Variants in KIF26B observed in about 807,000 individuals in gnomAD.
KIF26B encodes kinesin-like protein KIF26B.
In KIF26B, 63 loss-of-function variants were observed where a neutral mutation model predicts 151.2. That is an observed-to-expected ratio of 0.42 (90% CI 0.34 to 0.51). KIF26B has a LOEUF of 0.51. Among genes scored for constraint, KIF26B ranks in the 20% least tolerant of loss-of-function variants. KIF26B has a pLI of 0.07. For synonymous variants in KIF26B, 1,357 were observed against 1,262.1 expected (o/e 1.08, Z -1.59); for missense variants, 2,813 against 2,913.6 (o/e 0.97, Z 0.79).
At chr1:245,196,483 C>T (rs1669198354) in intron 2 of KIF26B, among the ~76,000 whole-genome samples, 2 of 152,198 alleles carry the variant, frequency 1.3e-5, no homozygotes, top group Admixed American at 1.3e-4. Context: ...GTAAATGCCT[C>T]AGACCTCTCG....
At chr1:245,654,978 C>T (rs2044057939) in intron 10 of KIF26B, among the ~76,000 whole-genome samples, 1 of 152,212 alleles carries the variant, frequency 6.6e-6, no homozygotes, top group African/African-American at 2.4e-5. Context: ...GGAAATTCCA[C>T]AACTGGCAGA....
intron 6 of KIF26B, among the ~76,000 whole-genome samples, chr1:245,603,453 G>T (rs559674433): frequency 7.9e-5 from 12 of 152,144 alleles, no homozygotes; most frequent in African/African-American, 2.2e-4. Flanking sequence ...TCCTAGCTCA[G>T]CTCATTTTTA....
chr1:245,471,127 G>GTA lies in KIF26B; in HGVS notation c.1166+51383_1166+51384insAT, dbSNP rs1439688743. ...AGATTTTGATAGTATGTGTGTGTGT[G>GTA]TGTGTATATATATATATATTTGAGA... On this transcript the variant is annotated intron_variant, in intron 4 of 14. Coordinates refer to ENST00000407071, the MANE Select transcript of KIF26B (RefSeq NM_018012.4). Among the ~76,000 whole-genome samples, 6 of 145,008 alleles carry GTA rather than the reference G, an allele frequency of 4.1e-5. No individual in the cohort carries two copies. The South Asian group carries it at 1.3e-3, about 32-fold the overall frequency.
chr1:245,472,360 T>G (rs1444010558), intron 4 of KIF26B, among the ~76,000 whole-genome samples: 1 of 152,204 alleles, frequency 6.6e-6, no homozygotes, highest in African/African-American at 2.4e-5. Flanking sequence ...TTTTAGAACT[T>G]TATTACAGGT....
intron 10 of KIF26B, among the ~76,000 whole-genome samples, chr1:245,651,661 T>C (rs2044017314): frequency 6.6e-6 from 1 of 152,100 alleles, no homozygotes; most frequent in Non-Finnish European, 1.5e-5. Flanking sequence ...AGGTGAGCAG[T>C]GGGGGAGCAT....
At chr1:245,525,442 A>G (rs1661218117) in intron 4 of KIF26B, among the ~76,000 whole-genome samples, 1 of 152,226 alleles carries the variant, frequency 6.6e-6, no homozygotes. Flanking sequence ...ATTTAAAGAT[A>G]AAGTGTTTGT....
At chr1:245,699,233 AG>A (rs1305443812) in intron 14 of KIF26B, among the ~76,000 whole-genome samples, 196 bp downstream of exon 14, 2 of 152,150 alleles carry the variant, frequency 1.3e-5, no homozygotes, top group Admixed American at 1.3e-4. Context: ...GGGACAGCAG[AG>A]GGGTGGTGAA....
At chr1:245,334,449 A>G (rs1572009798) in intron 2 of KIF26B, among the ~76,000 whole-genome samples, 1 of 152,190 alleles carries the variant, frequency 6.6e-6, no homozygotes, top group East Asian at 1.9e-4. Flanking sequence ...CCCTCAAAAC[A>G]GATGTCTTCT....
intron 1 of KIF26B, 72 bp downstream of exon 1, chr1:245,155,559 A>T: frequency 7.4e-7 from 1 of 1,358,134 alleles, no homozygotes; most frequent in Non-Finnish European, 1.0e-6. Context: ...TTTCCCCGGG[A>T]TCGTGCGGCC....
intron 5 of KIF26B, among the ~76,000 whole-genome samples, chr1:245,546,964 G>A (rs1436506737): frequency 6.6e-6 from 1 of 152,206 alleles, no homozygotes; most frequent in African/African-American, 2.4e-5. Context: ...CCAGAGAAAG[G>A]CGACTTGGGG....
chr1:245,705,149 C>T lies in KIF26B; in HGVS notation c.*2543C>T, dbSNP rs1180309815. 6.6e-6 allele frequency: 1 copy of T among 152,110 alleles called. No homozygotes were observed. The highest frequency in any genetic ancestry group is 1.5e-5 in the Non-Finnish European group (1 of 68,018). 9.4% of individuals were successfully genotyped at this position (152,110 alleles called of 1,614,324 possible). A position where few individuals can be genotyped will look rare whatever the true frequency, so the allele number is the denominator to read the frequency against. ...GCTGTAACAAAAGGCGGAAGGAAAC[C>T]AAGAGTTCTCTTAGCAAGTCAGACT... On this transcript the variant is annotated 3_prime_UTR_variant, in exon 15 of 15. Transcript: ENST00000407071.
intron 5 of KIF26B, among the ~76,000 whole-genome samples, chr1:245,594,870 A>G (rs1382809151): frequency 1.3e-5 from 2 of 152,076 alleles, no homozygotes; most frequent in African/African-American, 2.4e-5. Flanking sequence ...TTTCCCCTTG[A>G]AGAGGTCCTT....
chr1:245,570,059 C>G (rs1194222167), intron 5 of KIF26B, among the ~76,000 whole-genome samples: 1 of 150,294 alleles, frequency 6.7e-6, no homozygotes, highest in African/African-American at 2.5e-5. Context: ...CCTCAGCCTC[C>G]GGAGTAGCTG....
At chr1:245,458,643 T>C (rs933255679) in intron 4 of KIF26B, among the ~76,000 whole-genome samples, 8 of 152,236 alleles carry the variant, frequency 5.3e-5, no homozygotes, top group African/African-American at 1.9e-4. Flanking sequence ...GGAGTAGTAA[T>C]GGATGTAATC....
chr1:245,539,720 T>C (rs1242053674), intron 4 of KIF26B, among the ~76,000 whole-genome samples: 2 of 152,220 alleles, frequency 1.3e-5, no homozygotes, highest in African/African-American at 2.4e-5. Context: ...TGGCGCTATC[T>C]GGGCTCACTG....
chr1:245,662,373 TAC>T (rs1312931961), intron 10 of KIF26B, among the ~76,000 whole-genome samples: 2 of 107,374 alleles, frequency 1.9e-5, no homozygotes, highest in Non-Finnish European at 3.9e-5. Context: ...CAGTGATATA[TAC>T]ACACACACCA....
Position 245,685,525 on chromosome 1 carries a change from C to G in KIF26B, c.2542C>G (p.Leu848Val). The change falls in exon 12 of 15, where the codon CTG becomes GTG. Residue 848 changes from leucine (L) to valine (V), a missense_variant. Coordinates refer to ENST00000407071, the MANE Select transcript of KIF26B (RefSeq NM_018012.4). ...GGACCCTGACTTCCCCATCGCTCAC[C>G]TGTCCAGCGACCCCGACTACTCCTC... ...TVDPDFPIAH[L>V]SSDPDYSSSS... 6.2e-7 allele frequency: 1 copy of G among 1,613,784 alleles called. No homozygotes were observed.
intron 2 of KIF26B, among the ~76,000 whole-genome samples, chr1:245,251,861 G>A (rs1670450607): frequency 6.6e-6 from 1 of 152,014 alleles, no homozygotes; most frequent in Admixed American, 6.6e-5. Flanking sequence ...GGCTTGTCAA[G>A]TTCTGCCAAA....
rs541628959 is a variant in KIF26B at position 245,678,373 on chromosome 1, A to G, written c.2259-5860A>G. ...TCTACGACGCGTTCTGGCACGTTGC[A>G]GGTGAAGTGGGTAGAGCGTGGGATG... On this transcript the variant is annotated intron_variant, in intron 10 of 14. Transcript: ENST00000407071. Among the ~76,000 whole-genome samples the G allele has an allele frequency of 3.4e-4, 51 of 152,174 alleles. No homozygotes were observed. In the South Asian group the frequency reaches 1.0e-2, roughly 30 times the overall value.
Sources: gnomAD v4.1 joint callset for allele counts (sites outside exome capture counted in the v4.1 genomes callset) on GRCh38, gnomAD v4.1.1 for gene constraint, MANE v1.5 for transcripts, NCBI Gene and HGNC (gene_info 2026-07-23, HGNC 2026-07-21) for gene names.